CACNA2D1: variants seen among roughly 807,000 people sequenced by gnomAD.
CACNA2D1 encodes the protein calcium voltage-gated channel auxiliary subunit alpha2delta 1, also known as voltage-dependent calcium channel subunit alpha-2/delta-1.
In CACNA2D1, 53 loss-of-function variants were observed where a neutral mutation model predicts 171.5. The ratio of observed to expected loss-of-function variants is 0.31; its 90% confidence interval spans 0.25 to 0.39. CACNA2D1 has a LOEUF of 0.39. Ranked by LOEUF, CACNA2D1 falls within the 10% of genes least tolerant of loss-of-function variation. The pLI is 1.00. For synonymous variants in CACNA2D1, 442 were observed against 443.1 expected (o/e 1.00, Z 0.03); for missense variants, 903 against 1,299.8 (o/e 0.69, Z 4.69).
intron 3 of CACNA2D1, among the ~76,000 whole-genome samples, chr7:82,297,874 T>C (rs1812492621): frequency 6.6e-6 from 1 of 152,234 alleles, no homozygotes; most frequent in South Asian, 2.1e-4. Context: ...AACCTTAAGT[T>C]TCCTCAATTA....
intron 3 of CACNA2D1, among the ~76,000 whole-genome samples, chr7:82,205,981 GA>G (rs1211950562): frequency 2.6e-5 from 4 of 151,786 alleles, no homozygotes; most frequent in Non-Finnish European, 5.9e-5. Flanking sequence ...AAAAGTTAAA[GA>G]AAAAAACACA....
chr7:82,290,988 T>C (rs1811464472), intron 3 of CACNA2D1, among the ~76,000 whole-genome samples: 1 of 148,614 alleles, frequency 6.7e-6, no homozygotes. Flanking sequence ...TTTTTTTTTT[T>C]CCTTTGAGAC....
chr7:82,001,670 G>T (rs1228818179), intron 18 of CACNA2D1: 8 of 1,255,118 alleles, frequency 6.4e-6, no homozygotes, highest in Non-Finnish European at 8.4e-6. Flanking sequence ...TGGATATTGG[G>T]TCTCCTTTTT....
At chr7:82,078,795 G>A (rs1809323054) in intron 7 of CACNA2D1, among the ~76,000 whole-genome samples, 1 of 152,052 alleles carries the variant, frequency 6.6e-6, no homozygotes, top group South Asian at 2.1e-4. Flanking sequence ...TGACTTAAAA[G>A]TACAAAGTGA....
chr7:82,076,290 T>G (rs1286271439), intron 7 of CACNA2D1, among the ~76,000 whole-genome samples: 1 of 152,170 alleles, frequency 6.6e-6, no homozygotes, highest in African/African-American at 2.4e-5. Context: ...TGATGGATAG[T>G]ATACAGCAAA....
chr7:82,254,231 CTG>C (rs199896442), intron 3 of CACNA2D1, among the ~76,000 whole-genome samples: 2,146 of 152,044 alleles, frequency 0.014, 30 homozygotes, highest in Middle Eastern at 0.061. Context: ...AGCATAAATC[CTG>C]TGTTTTCCCG....
intron 6 of CACNA2D1, among the ~76,000 whole-genome samples, chr7:82,111,400 A>G (rs1247366702): frequency 2.4e-4 from 21 of 88,760 alleles, no homozygotes; most frequent in African/African-American, 5.8e-4. Context: ...ATATGTATAT[A>G]TATATTCATA....
intron 3 of CACNA2D1, among the ~76,000 whole-genome samples, chr7:82,267,651 C>T (rs1016221697): frequency 2.0e-5 from 3 of 152,060 alleles, no homozygotes; most frequent in African/African-American, 7.2e-5. Context: ...CAACAGCAAA[C>T]ATGATTATCT....
At chr7:82,040,459 A>AC (rs1562909451) in intron 10 of CACNA2D1, among the ~76,000 whole-genome samples, 1 of 145,806 alleles carries the variant, frequency 6.9e-6, no homozygotes, top group African/African-American at 2.5e-5. Context: ...ATTCAAAAAA[A>AC]AAAAAAAAAA....
chr7:81,956,657 C>T (rs1352028135), intron 38 of CACNA2D1, among the ~76,000 whole-genome samples: 1 of 152,056 alleles, frequency 6.6e-6, no homozygotes, highest in Non-Finnish European at 1.5e-5. Context: ...ACTCCCTCTG[C>T]TATTCTACTC....
intron 3 of CACNA2D1, among the ~76,000 whole-genome samples, chr7:82,172,616 C>CTTTTTTTTTTT (rs55737158): frequency 2.3e-4 from 15 of 64,510 alleles, no homozygotes; most frequent in African/African-American, 1.1e-3. Context: ...AGAAACCCGG[C>CTTTTTTTTTTT]TTTTTTTTTT....
At chr7:82,079,531 A>G (rs1330984442) in intron 7 of CACNA2D1, among the ~76,000 whole-genome samples, 1 of 152,044 alleles carries the variant, frequency 6.6e-6, no homozygotes, top group Non-Finnish European at 1.5e-5. Flanking sequence ...GTCTCTACTA[A>G]TAATACAAAA....
chr7:81,976,784 G>A (rs1795898124), intron 24 of CACNA2D1, among the ~76,000 whole-genome samples: 1 of 152,182 alleles, frequency 6.6e-6, no homozygotes, highest in Non-Finnish European at 1.5e-5. Context: ...AACCCAGAAG[G>A]TGGAGGTTGC....
chr7:81,976,883 A>AT (rs1275373876), intron 24 of CACNA2D1, among the ~76,000 whole-genome samples: 1 of 152,068 alleles, frequency 6.6e-6, no homozygotes. Context: ...AATGCTTGTG[A>AT]TTTTTGCACA....
chr7:82,010,754 T>C (rs2130914123), intron 15 of CACNA2D1, among the ~76,000 whole-genome samples: 1 of 152,266 alleles, frequency 6.6e-6, no homozygotes, highest in South Asian at 2.1e-4. Context: ...TCTTCTAACT[T>C]CCTGTATATG....
intron 3 of CACNA2D1, among the ~76,000 whole-genome samples, chr7:82,262,309 C>T (rs1279551742): frequency 6.6e-6 from 1 of 152,138 alleles, no homozygotes; most frequent in African/African-American, 2.4e-5. Context: ...CCAGCCTGGG[C>T]AACAGAGTGA....
intron 3 of CACNA2D1, among the ~76,000 whole-genome samples, chr7:82,325,348 C>A (rs1221219754): frequency 1.3e-5 from 2 of 152,114 alleles, no homozygotes; most frequent in African/African-American, 4.8e-5. Flanking sequence ...GCTAAACTAG[C>A]TAAACTACAC....
In CACNA2D1 at chr7:82,103,317, C is replaced by CA. The variant is rs1344522216; in HGVS notation, c.526+13726dup. 5.9e-5 allele frequency among the ~76,000 whole-genome samples: 9 copies of CA among 151,956 alleles called. No individual in the cohort carries two copies. In the South Asian group the frequency reaches 1.0e-3, roughly 18 times the overall value. On this transcript the variant is annotated intron_variant, in intron 6 of 38. Transcript: ENST00000356860. ...TTTTAAAAAATAAGGAATAATCTAA[C>CA]AAAAAAACAGAAAGTCTGGAATGTG... is the stretch of plus-strand genomic sequence containing the variant.
intron 1 of CACNA2D1, among the ~76,000 whole-genome samples, chr7:82,442,763 T>C (rs1016288006): frequency 6.6e-6 from 1 of 152,160 alleles, no homozygotes; most frequent in Non-Finnish European, 1.5e-5. Context: ...TTGGATCGCG[T>C]GGTCCCAGTA....
Sources: gnomAD v4.1 joint callset for allele counts (sites outside exome capture counted in the v4.1 genomes callset) on GRCh38, gnomAD v4.1.1 for gene constraint, MANE v1.5 for transcripts, NCBI Gene and HGNC (gene_info 2026-07-23, HGNC 2026-07-21) for gene names.